The following ZFYVE9 variants were observed in gnomAD, a reference collection of about 807,000 sequenced individuals.
ZFYVE9 encodes the protein zinc finger FYVE domain-containing protein 9.
ZFYVE9 carries 43 observed loss-of-function variants against 126.7 expected under a neutral mutation model. The observed-to-expected ratio is 0.34, with a 90% CI of 0.27 to 0.44. The LOEUF is 0.44. Among genes scored for constraint, ZFYVE9 ranks in the 20% least tolerant of loss-of-function variants. The pLI, the probability that ZFYVE9 is intolerant of heterozygous loss-of-function variation, is 1.00. For synonymous variants in ZFYVE9, 521 were observed against 597.4 expected (o/e 0.87, Z 1.87); for missense variants, 1,476 against 1,697.0 (o/e 0.87, Z 2.29).
intron 1 of ZFYVE9, among the ~76,000 whole-genome samples, chr1:52,185,964 G>A (rs1644761505): frequency 6.6e-6 from 1 of 150,544 alleles, no homozygotes; most frequent in African/African-American, 2.4e-5. Flanking sequence ...ATCCTGGTTG[G>A]GTGCAGTGGC....
intron 13 of ZFYVE9, among the ~76,000 whole-genome samples, chr1:52,309,616 G>A (rs1031849101): frequency 6.6e-6 from 1 of 152,210 alleles, no homozygotes; most frequent in Non-Finnish European, 1.5e-5. Flanking sequence ...CAAAGAGGGG[G>A]TTAAAGCAGA....
intron 4 of ZFYVE9, among the ~76,000 whole-genome samples, chr1:52,241,450 A>G (rs527762046): frequency 3.3e-5 from 5 of 152,278 alleles, no homozygotes; most frequent in Non-Finnish European, 7.4e-5. Flanking sequence ...GTTGTTCTGT[A>G]TTTTGCTTAC....
In ZFYVE9 at chr1:52,238,096, A is replaced by G; in HGVS notation, c.679A>G (p.Asn227Asp). ...NRPKTEGRSV[N>D]HLCPTSSDSL... Reference sequence around the variant, plus strand: ...ACCGAAAACAGAGGGGAGATCTGTTAACCATCTGTGTCCTACTTCATCTGA... The same window carrying G: ...ACCGAAAACAGAGGGGAGATCTGTTGACCATCTGTGTCCTACTTCATCTGA... The change falls in exon 4 of 19, where the codon AAC becomes GAC. Residue 227 changes from asparagine (N) to aspartate (D), a missense_variant. Around this residue, in one of 2 missense-constraint regions of ZFYVE9, gnomAD observed 807 missense variants for 794.6 expected, o/e 1.02. Coordinates refer to ENST00000287727, the MANE Select transcript of ZFYVE9 (RefSeq NM_004799.4). The G allele has an allele frequency of 6.2e-7, 1 of 1,614,066 alleles. No homozygotes were observed. Among genetic ancestry groups the G allele is most frequent in the Non-Finnish European group, 8.5e-7 (1 of 1,179,950 alleles).
At chr1:52,304,387 C>G (rs1243080559) in intron 13 of ZFYVE9, among the ~76,000 whole-genome samples, 1 of 152,006 alleles carries the variant, frequency 6.6e-6, no homozygotes, top group East Asian at 1.9e-4. Context: ...CTCAGCCTCC[C>G]AAGTAGCTGG....
intron 1 of ZFYVE9, among the ~76,000 whole-genome samples, chr1:52,166,229 C>T (rs1644512565): frequency 6.6e-6 from 1 of 152,136 alleles, no homozygotes; most frequent in African/African-American, 2.4e-5. Context: ...GTATTGCTGC[C>T]TTGATTATTG....
chr1:52,214,291 G>T (rs1645053035), intron 1 of ZFYVE9, among the ~76,000 whole-genome samples: 1 of 152,122 alleles, frequency 6.6e-6, no homozygotes, highest in Non-Finnish European at 1.5e-5. Context: ...GCTGGGCCTG[G>T]TGGCAGATGC....
intron 13 of ZFYVE9, among the ~76,000 whole-genome samples, chr1:52,320,736 C>T (rs982862751): frequency 1.3e-5 from 2 of 152,100 alleles, no homozygotes; most frequent in Admixed American, 6.6e-5. Flanking sequence ...GTGAGGGAAC[C>T]ATATATTACA....
intron 4 of ZFYVE9, among the ~76,000 whole-genome samples, chr1:52,261,290 T>TTCC (rs1423433380): frequency 6.6e-6 from 1 of 150,700 alleles, no homozygotes; most frequent in East Asian, 2.0e-4. Flanking sequence ...GCAGTGGCCA[T>TTCC]TCACAGGTGC....
intron 4 of ZFYVE9, among the ~76,000 whole-genome samples, chr1:52,258,776 C>T (rs1401661269): frequency 6.6e-6 from 1 of 152,088 alleles, no homozygotes; most frequent in South Asian, 2.1e-4. Context: ...GTGCTTTCCT[C>T]TAATCTCATT....
intron 4 of ZFYVE9, among the ~76,000 whole-genome samples, chr1:52,261,563 G>C (rs1645580862): frequency 6.6e-6 from 1 of 152,206 alleles, no homozygotes; most frequent in Non-Finnish European, 1.5e-5. Flanking sequence ...GAATAAATGA[G>C]TGAATGATGG....
intron 1 of ZFYVE9, among the ~76,000 whole-genome samples, chr1:52,200,998 C>T (rs946724743): frequency 1.2e-4 from 19 of 152,142 alleles, no homozygotes; most frequent in African/African-American, 4.6e-4. Flanking sequence ...ATTTTAGGAT[C>T]AATTTGTCAA....
At chr1:52,240,696 T>C (rs1450240234) in intron 4 of ZFYVE9, among the ~76,000 whole-genome samples, 1 of 152,188 alleles carries the variant, frequency 6.6e-6, no homozygotes, top group East Asian at 1.9e-4. Flanking sequence ...GTTCTAATTA[T>C]CGGGTCTCAA....
chr1:52,217,007 A>G (rs1645077674), intron 2 of ZFYVE9, among the ~76,000 whole-genome samples: 1 of 152,152 alleles, frequency 6.6e-6, no homozygotes, highest in Admixed American at 6.5e-5. Flanking sequence ...TAAGGGTGTG[A>G]ACCCCCAATA....
At chr1:52,183,188 C>T (rs1644730877) in intron 1 of ZFYVE9, among the ~76,000 whole-genome samples, 1 of 152,128 alleles carries the variant, frequency 6.6e-6, no homozygotes, top group Non-Finnish European at 1.5e-5. Context: ...AGGATGTTTA[C>T]AGACCGTAAA....
intron 10 of ZFYVE9, among the ~76,000 whole-genome samples, chr1:52,291,128 G>T (rs781401341): frequency 1.4e-4 from 21 of 152,142 alleles, no homozygotes; most frequent in Non-Finnish European, 2.9e-4. Flanking sequence ...GGTAATCCTG[G>T]AGCAAGAGTA....
Position 52,239,116 on chromosome 1 carries a change from G to C in ZFYVE9, c.1699G>C (p.Ala567Pro). 6.2e-7 allele frequency: 1 copy of C among 1,614,088 alleles called. No homozygotes were observed. Among genetic ancestry groups the C allele is most frequent in the Non-Finnish European group, 8.5e-7 (1 of 1,179,996 alleles). Residue 567 changes from alanine to proline, a missense_variant, in exon 4 of 19, where the codon GCA becomes CCA. This residue lies in a region of ZFYVE9 where 807 missense variants were observed against 794.6 expected (regional missense o/e 1.02). Transcript: ENST00000287727. ...TGGGCAATCTTCCCCCAAGGTAGTA[G>C]CAAGCCTGCCATCTATCAGTGTTCC... ...VLGQSSPKVV[A>P]SLPSISVPFG... is the part of the protein sequence containing the mutation.
At chr1:52,184,946 G>A (rs1014782389) in intron 1 of ZFYVE9, among the ~76,000 whole-genome samples, 11 of 152,044 alleles carry the variant, frequency 7.2e-5, no homozygotes, top group Admixed American at 7.2e-4. Context: ...TTGAGCTCAG[G>A]AGTTCAAGAC....
At chr1:52,234,122 C>T (rs1645250729) in intron 3 of ZFYVE9, among the ~76,000 whole-genome samples, 1 of 152,176 alleles carries the variant, frequency 6.6e-6, no homozygotes, top group African/African-American at 2.4e-5. Flanking sequence ...TCTAAATTTC[C>T]ATCTTGGTTT....
At chr1:52,340,584 T>G (rs1391955829) in intron 17 of ZFYVE9, among the ~76,000 whole-genome samples, 3 of 152,144 alleles carry the variant, frequency 2.0e-5, no homozygotes, top group Non-Finnish European at 4.4e-5. Flanking sequence ...ATGACGGTCT[T>G]TAAAAAATAC....
Sources: gnomAD v4.1 joint callset for allele counts (sites outside exome capture counted in the v4.1 genomes callset) on GRCh38, gnomAD v4.1.1 for gene constraint, gnomAD v4.1.1 regional missense constraint, MANE v1.5 for transcripts, NCBI Gene and HGNC (gene_info 2026-07-23, HGNC 2026-07-21) for gene names.